SYT9: variants seen among roughly 807,000 people sequenced by gnomAD.
SYT9 encodes synaptotagmin 9.
A neutral mutation model predicts 48.4 loss-of-function variants in SYT9; 22 were observed. The observed-to-expected ratio is 0.45, with a 90% CI of 0.32 to 0.65. The LOEUF is 0.65. SYT9 is among the 30% of genes least tolerant of loss of function. The probability of loss-of-function intolerance (pLI) is 0.03; values close to 1 mark genes in which losing one functional copy is unlikely to be tolerated. For missense variants in SYT9, 577 were observed against 622.0 expected (o/e 0.93, Z 0.77); for synonymous variants, 265 against 245.0 (o/e 1.08, Z -0.76).
chr11:7,298,115 T>C (rs945073924), intron 1 of SYT9, among the ~76,000 whole-genome samples: 1 of 152,140 alleles, frequency 6.6e-6, no homozygotes, highest in African/African-American at 2.4e-5. Context: ...ATTCTCTCTG[T>C]CCTCACTTCT....
chr11:7,319,110 T>G (rs1849291156), intron 3 of SYT9, among the ~76,000 whole-genome samples: 1 of 151,570 alleles, frequency 6.6e-6, no homozygotes, highest in Non-Finnish European at 1.5e-5. Flanking sequence ...CTCCTTAGGT[T>G]CAGACAATGA....
chr11:7,441,755 A>G (rs1847833588), intron 6 of SYT9: 1 of 152,192 alleles, frequency 6.6e-6, no homozygotes, highest in Non-Finnish European at 1.5e-5. Flanking sequence ...TCAAGTGCCC[A>G]GCAAACTGGC....
At chr11:7,291,852 G>A (rs1189037803) in intron 1 of SYT9, among the ~76,000 whole-genome samples, 1 of 152,172 alleles carries the variant, frequency 6.6e-6, no homozygotes, top group Non-Finnish European at 1.5e-5. Context: ...GCCTTGTCCT[G>A]AAGGTGTCCA....
At chr11:7,255,985 G>A (rs1175021466) in intron 1 of SYT9, among the ~76,000 whole-genome samples, 1 of 152,188 alleles carries the variant, frequency 6.6e-6, no homozygotes, top group South Asian at 2.1e-4. Context: ...GAATTAAAAG[G>A]TCTCTTAAAT....
chr11:7,359,082 T>C (rs1025436867), intron 3 of SYT9, among the ~76,000 whole-genome samples: 1 of 150,050 alleles, frequency 6.7e-6, no homozygotes, highest in Non-Finnish European at 1.5e-5. Context: ...TTCCCACCTA[T>C]GAGTGAGAAT....
intron 3 of SYT9, among the ~76,000 whole-genome samples, chr11:7,345,973 A>G (rs1849792550): frequency 1.3e-5 from 2 of 152,206 alleles, no homozygotes; most frequent in African/African-American, 4.8e-5. Flanking sequence ...GAATGTTTCA[A>G]GGAACCAAGA....
At chr11:7,408,188 G>A (rs187160662) in intron 3 of SYT9, among the ~76,000 whole-genome samples, 2 of 152,274 alleles carry the variant, frequency 1.3e-5, no homozygotes, top group Non-Finnish European at 2.9e-5. Context: ...GAGTGCAATG[G>A]CATGATCTCT....
chr11:7,402,052 A>G (rs1330440476), intron 3 of SYT9, among the ~76,000 whole-genome samples: 1 of 151,932 alleles, frequency 6.6e-6, no homozygotes, highest in East Asian at 1.9e-4. Flanking sequence ...TTTCCAGTTC[A>G]TTCTAAAATA....
intron 3 of SYT9, among the ~76,000 whole-genome samples, chr11:7,366,564 A>G (rs1298151438): frequency 6.6e-6 from 1 of 152,160 alleles, no homozygotes; most frequent in Admixed American, 6.5e-5. Context: ...AGACATCCAC[A>G]TCTTCATTTT....
intron 1 of SYT9, among the ~76,000 whole-genome samples, chr11:7,269,500 G>T (rs1029298921): frequency 2.0e-5 from 3 of 152,072 alleles, no homozygotes; most frequent in African/African-American, 7.2e-5. Flanking sequence ...GAGTCTCTAG[G>T]TAGTCTTAAG....
chr11:7,408,435 T>C (rs1242229383), intron 3 of SYT9, among the ~76,000 whole-genome samples: 2 of 152,236 alleles, frequency 1.3e-5, no homozygotes, highest in Non-Finnish European at 2.9e-5. Context: ...GCCAGTAGTA[T>C]GGTCATTTTA....
At chr11:7,376,587 C>G (rs74053612) in intron 3 of SYT9, among the ~76,000 whole-genome samples, 1 of 152,184 alleles carries the variant, frequency 6.6e-6, no homozygotes, top group East Asian at 1.9e-4. Context: ...CAAACCATCT[C>G]AGCACATGGA....
At chr11:7,280,605 T>C (rs939254233) in intron 1 of SYT9, among the ~76,000 whole-genome samples, 6 of 152,340 alleles carry the variant, frequency 3.9e-5, no homozygotes, top group East Asian at 1.9e-4. Flanking sequence ...CCTTGGTTTG[T>C]GGTGTTTGCA....
intron 6 of SYT9, among the ~76,000 whole-genome samples, chr11:7,446,602 C>T (rs778407513): frequency 3.9e-5 from 6 of 152,176 alleles, no homozygotes; most frequent in African/African-American, 7.2e-5. Flanking sequence ...CTTTTAGGAA[C>T]GTAGATCCTA....
At chr11:7,324,472 T>A (rs575426215) in intron 3 of SYT9, among the ~76,000 whole-genome samples, 2 of 151,934 alleles carry the variant, frequency 1.3e-5, no homozygotes, top group African/African-American at 4.8e-5. Flanking sequence ...TAATTACTTA[T>A]ATCTTTAGGT....
intron 1 of SYT9, among the ~76,000 whole-genome samples, chr11:7,239,235 G>A (rs2119709507): frequency 6.6e-6 from 1 of 152,270 alleles, no homozygotes; most frequent in Non-Finnish European, 1.5e-5. Flanking sequence ...CCCCTAACAG[G>A]AAGTGCAGAA....
At chr11:7,347,334 C>T (rs151281874) in intron 3 of SYT9, among the ~76,000 whole-genome samples, 172 of 152,164 alleles carry the variant, frequency 1.1e-3, no homozygotes, top group Non-Finnish European at 1.9e-3. Flanking sequence ...CAGGTTCAAG[C>T]GACTCTCTTG....
intron 6 of SYT9, among the ~76,000 whole-genome samples, chr11:7,462,262 A>G (rs1848250529): frequency 6.6e-6 from 1 of 152,194 alleles, no homozygotes; most frequent in African/African-American, 2.4e-5. Flanking sequence ...TGTAATTGTA[A>G]TATCTATCAC....
At chr11:7,392,928 C>G (rs1846661023) in intron 3 of SYT9, among the ~76,000 whole-genome samples, 1 of 152,072 alleles carries the variant, frequency 6.6e-6, no homozygotes, top group Admixed American at 6.6e-5. Flanking sequence ...AGAAATGCTA[C>G]TAACTTAAAT....
Sources: allele counts gnomAD v4.1 joint callset (sites outside exome capture counted in the v4.1 genomes callset), GRCh38; gene constraint gnomAD v4.1.1; transcripts MANE v1.5; gene names NCBI Gene and HGNC (gene_info 2026-07-23, HGNC 2026-07-21).